Variants in NSRP1 observed in about 807,000 individuals in gnomAD.
NSRP1 encodes the protein coiled-coil domain containing 55.
Under a neutral mutation model 54.7 loss-of-function variants are expected in NSRP1, and 24 were observed. That is an observed-to-expected ratio of 0.44 (90% confidence interval 0.32 to 0.62). NSRP1 has a LOEUF of 0.62. Ranked by LOEUF, NSRP1 falls within the 20% of genes least tolerant of loss-of-function variation. The pLI is 0.06. For synonymous variants in NSRP1, 210 were observed against 213.8 expected (o/e 0.98, Z 0.15); for missense variants, 596 against 651.2 (o/e 0.92, Z 0.92).
intron 2 of NSRP1, among the ~76,000 whole-genome samples, chr17:30,125,065 G>T (rs1374403498): frequency 6.6e-6 from 1 of 152,098 alleles, no homozygotes; most frequent in Non-Finnish European, 1.5e-5. Flanking sequence ...TGGACATGGT[G>T]GTGGGCACCT....
intron 2 of NSRP1, among the ~76,000 whole-genome samples, chr17:30,146,127 G>A (rs1373472873): frequency 6.6e-6 from 1 of 152,132 alleles, no homozygotes; most frequent in Admixed American, 6.5e-5. Flanking sequence ...GGGATTACAT[G>A]TGTGAGCCAC....
intron 2 of NSRP1, chr17:30,144,117 C>T (rs547914008): frequency 2.6e-5 from 4 of 151,870 alleles, no homozygotes; most frequent in East Asian, 1.9e-4. Context: ...GGAACTATAC[C>T]GTTTTCCTTA....
At chr17:30,126,012 A>G (rs2151877006) in intron 2 of NSRP1, 1 of 152,320 alleles carries the variant, frequency 6.6e-6, no homozygotes, top group African/African-American at 2.4e-5. Context: ...TTTTGCTGTC[A>G]TAATTTTCCG....
intron 1 of NSRP1, chr17:30,117,074 A>G: frequency 1.3e-6 from 1 of 772,158 alleles, no homozygotes; most frequent in Non-Finnish European, 2.4e-6. Context: ...GAAACTTGTG[A>G]GGAAATAAAG....
rs1226071208 is a variant in NSRP1, at chr17:30,186,080, C to CAGGAT, written c.*408_*412dup. 6.5e-6 allele frequency: 1 copy of CAGGAT among 153,548 alleles called. No individual in the cohort carries two copies. Among genetic ancestry groups the CAGGAT allele is most frequent in the Admixed American group, 6.5e-5 (1 of 15,316 alleles). The allele number at this position is 153,548 out of a possible 1,614,324, so 9.5% of individuals were successfully genotyped here. A position where few individuals can be genotyped will look rare whatever the true frequency, so the allele number is the denominator to read the frequency against. ...GCTAGGCATTCAAGACCAGCCTAGG[C>CAGGAT]AGGATAATAAGACCTTGTCTCTATT... On this transcript the variant is annotated 3_prime_UTR_variant, in exon 7 of 7. Coordinates refer to ENST00000247026, the MANE Select transcript of NSRP1 (RefSeq NM_032141.4).
chr17:30,152,856 T>C (rs2071925463), intron 2 of NSRP1, among the ~76,000 whole-genome samples: 6 of 151,892 alleles, frequency 4.0e-5, no homozygotes, highest in Admixed American at 3.9e-4. Context: ...ATCAAGCTTT[T>C]GATTCATATT....
At chr17:30,124,023 C>T (rs1262560324) in intron 2 of NSRP1, among the ~76,000 whole-genome samples, 1 of 152,078 alleles carries the variant, frequency 6.6e-6, no homozygotes, top group Admixed American at 6.6e-5. Flanking sequence ...CCTGTACCCT[C>T]ATGCACTTTC....
At chr17:30,127,959 C>G (rs550405757) in intron 2 of NSRP1, 1 of 397,768 alleles carries the variant, frequency 2.5e-6, no homozygotes, top group East Asian at 3.6e-5. Flanking sequence ...CTCAGCCTCC[C>G]AAGTAGCTGG....
At chr17:30,152,493 T>C (rs2071921862) in intron 2 of NSRP1, among the ~76,000 whole-genome samples, 1 of 151,488 alleles carries the variant, frequency 6.6e-6, no homozygotes, top group Admixed American at 6.6e-5. Flanking sequence ...ATGTGTCTAA[T>C]TCAAGGTCAC....
Position 30,167,471 on chromosome 17 carries a change from TG to T in NSRP1, c.115-5069del, listed in dbSNP as rs1170433448. ...TAAAAATACAAAAATTAGCTGGGCATGGTGGTGTGCGCCTGTATTCCCAGCT... is the reference window on the plus strand; with the variant it reads ...TAAAAATACAAAAATTAGCTGGGCATGTGGTGTGCGCCTGTATTCCCAGCT... On this transcript the variant is annotated intron_variant, in intron 2 of 6. Transcript: ENST00000247026. 1.1e-4 allele frequency among the ~76,000 whole-genome samples: 16 copies of T among 152,154 alleles called. No individual in the cohort carries two copies. The South Asian group carries it at 3.3e-3, about 32-fold the overall frequency.
intron 2 of NSRP1, among the ~76,000 whole-genome samples, chr17:30,148,867 T>C (rs895050615): frequency 6.6e-6 from 1 of 152,222 alleles, no homozygotes; most frequent in Non-Finnish European, 1.5e-5. Flanking sequence ...TTACTTTTCT[T>C]GATTAATCTT....
chr17:30,132,612 G>A lies in NSRP1; in HGVS notation c.114+14439G>A, dbSNP rs7219710. Among the ~76,000 whole-genome samples the A allele has an allele frequency of 4.9e-4, 75 of 152,316 alleles. 1 individual carries two copies. Among genetic ancestry groups the A allele is most frequent in the Admixed American group, 1.9e-3 (29 of 15,300 alleles). ...TAGAAGAAATTTGTCATCAATTCAAGTTTTATCATGAGATTGTCATCAATT... is the reference window on the plus strand; with the variant it reads ...TAGAAGAAATTTGTCATCAATTCAAATTTTATCATGAGATTGTCATCAATT... On this transcript the variant is annotated intron_variant, in intron 2 of 6. Coordinates refer to ENST00000247026, the MANE Select transcript of NSRP1 (RefSeq NM_032141.4).
intron 2 of NSRP1, among the ~76,000 whole-genome samples, chr17:30,161,071 A>G (rs1432321948): frequency 1.3e-5 from 2 of 152,340 alleles, no homozygotes; most frequent in Non-Finnish European, 2.9e-5. Context: ...GAAAGAACAG[A>G]CTTGATACAT....
chr17:30,146,470 C>T (rs564174555), intron 2 of NSRP1, among the ~76,000 whole-genome samples: 2 of 152,190 alleles, frequency 1.3e-5, no homozygotes, highest in Admixed American at 6.5e-5. Context: ...CTCAAGTAGT[C>T]CTCCCACATT....
At chr17:30,142,025 A>G (rs1410637929) in intron 2 of NSRP1, among the ~76,000 whole-genome samples, 2 of 152,134 alleles carry the variant, frequency 1.3e-5, no homozygotes, top group African/African-American at 2.4e-5. Flanking sequence ...AAATGTGAAT[A>G]TCTTTAGGTG....
chr17:30,166,765 A>G (rs189735840), intron 2 of NSRP1, among the ~76,000 whole-genome samples: 30 of 152,246 alleles, frequency 2.0e-4, no homozygotes, highest in Admixed American at 6.5e-4. Flanking sequence ...TCTACTAAAA[A>G]TACAAAAAAA....
rs1205236148 is a variant in NSRP1, at chr17:30,186,315, T to C, written c.*641T>C. ...TTTAACTCTTCTAATAATGTTTTGTTGCAGGAAATGTATTTCAGATAAAAT... is the reference window on the plus strand; with the variant it reads ...TTTAACTCTTCTAATAATGTTTTGTCGCAGGAAATGTATTTCAGATAAAAT... On this transcript the variant is annotated 3_prime_UTR_variant, in exon 7 of 7. Transcript: ENST00000247026. The C allele has an allele frequency of 6.6e-6, 1 of 152,204 alleles. No individual in the cohort carries two copies. Among genetic ancestry groups the C allele is most frequent in the Non-Finnish European group, 1.5e-5 (1 of 68,032 alleles). 9.4% of individuals were successfully genotyped at this position (152,204 alleles called of 1,614,324 possible).
At chr17:30,184,274 C>T (rs1038779649) in intron 6 of NSRP1, among the ~76,000 whole-genome samples, 4 of 152,162 alleles carry the variant, frequency 2.6e-5, no homozygotes, top group African/African-American at 9.7e-5. Context: ...AACTTAGATT[C>T]AGAACATTTA....
intron 2 of NSRP1, among the ~76,000 whole-genome samples, chr17:30,142,494 TAA>T (rs775333722): frequency 1.2e-4 from 16 of 135,604 alleles, no homozygotes; most frequent in Admixed American, 3.0e-4. Flanking sequence ...CCTGGCTAAT[TAA>T]AAAAAAAAAA....
Sources: gnomAD v4.1 joint callset for allele counts (sites outside exome capture counted in the v4.1 genomes callset) on GRCh38, gnomAD v4.1.1 for gene constraint, MANE v1.5 for transcripts, NCBI Gene and HGNC (gene_info 2026-07-23, HGNC 2026-07-21) for gene names.